The following NRXN3 variants were observed in gnomAD, a reference collection of about 807,000 sequenced individuals.
NRXN3 encodes the protein neurexin 3, also known as neurexin III.
In NRXN3, 32 loss-of-function variants were observed where a neutral mutation model predicts 137.6. That is an observed-to-expected ratio of 0.23 (90% CI 0.18 to 0.31). NRXN3 has a LOEUF of 0.31. Ranked by LOEUF, NRXN3 falls within the 10% of genes least tolerant of loss-of-function variation. The pLI is 1.00. For missense variants in NRXN3, 1,574 were observed against 2,062.5 expected, an observed-to-expected ratio of 0.76 and a Z score of 4.59; for synonymous variants, 798 against 784.5, an observed-to-expected ratio of 1.02 and a Z score of -0.29.
intron 15 of NRXN3, among the ~76,000 whole-genome samples, chr14:79,359,080 G>A (rs2093591939): frequency 6.6e-6 from 1 of 152,120 alleles, no homozygotes; most frequent in Non-Finnish European, 1.5e-5. Flanking sequence ...TCATAATTGT[G>A]TAGCCTCAAT....
At chr14:78,542,853 A>G (rs1242864032) in intron 4 of NRXN3, among the ~76,000 whole-genome samples, 2 of 152,194 alleles carry the variant, frequency 1.3e-5, no homozygotes, top group Admixed American at 6.5e-5. Context: ...TCTTAAAATA[A>G]TACCTTTCTA....
chr14:79,039,719 C>G (rs369317006), intron 15 of NRXN3, among the ~76,000 whole-genome samples: 17 of 152,210 alleles, frequency 1.1e-4, no homozygotes, highest in Admixed American at 2.0e-4. Flanking sequence ...CAGGGTCTTG[C>G]TCTGTTGCCC....
intron 20 of NRXN3, among the ~76,000 whole-genome samples, chr14:79,806,294 A>G (rs1330467983): frequency 3.3e-5 from 5 of 152,146 alleles, no homozygotes; most frequent in African/African-American, 1.2e-4. Flanking sequence ...AAAAATAAAA[A>G]CCTTCCATTT....
intron 8 of NRXN3, among the ~76,000 whole-genome samples, chr14:78,722,172 T>A (rs2098463256): frequency 6.6e-6 from 1 of 152,180 alleles, no homozygotes. Context: ...AAGGACAGGC[T>A]GGGGACTTTG....
At chr14:79,149,175 T>G (rs2153025230) in intron 15 of NRXN3, among the ~76,000 whole-genome samples, 1 of 152,212 alleles carries the variant, frequency 6.6e-6, no homozygotes, top group Admixed American at 6.5e-5. Flanking sequence ...TAGGAAACTC[T>G]GTAAGGGGGA....
intron 15 of NRXN3, among the ~76,000 whole-genome samples, chr14:79,108,937 T>C (rs372510261): frequency 1.3e-5 from 2 of 152,160 alleles, no homozygotes; most frequent in African/African-American, 4.8e-5. Flanking sequence ...ACTAAATCTC[T>C]AAATGGTTGA....
At chr14:78,380,865 A>C (rs1001724399) in intron 4 of NRXN3, among the ~76,000 whole-genome samples, 3 of 152,046 alleles carry the variant, frequency 2.0e-5, no homozygotes, top group African/African-American at 7.2e-5. Context: ...CCTAATTTTT[A>C]AAACGAAGAA....
intron 15 of NRXN3, among the ~76,000 whole-genome samples, chr14:79,280,696 T>C (rs540516374): frequency 1.0e-3 from 156 of 152,310 alleles, no homozygotes; most frequent in African/African-American, 3.7e-3. Flanking sequence ...ATTTCTACTT[T>C]CTCATAAAGG....
At chr14:78,229,677 G>T (rs1213773887) in intron 1 of NRXN3, among the ~76,000 whole-genome samples, 2 of 152,156 alleles carry the variant, frequency 1.3e-5, no homozygotes, top group African/African-American at 4.8e-5. Flanking sequence ...TCGACTCTGT[G>T]CCAGGCACTA....
intron 15 of NRXN3, among the ~76,000 whole-genome samples, chr14:79,295,667 C>A (rs1257614820): frequency 1.3e-5 from 2 of 152,134 alleles, no homozygotes; most frequent in East Asian, 1.9e-4. Flanking sequence ...ATAGATGCTT[C>A]ACAAATATGG....
intron 10 of NRXN3, among the ~76,000 whole-genome samples, chr14:78,852,883 T>C (rs1197973769): frequency 6.6e-6 from 1 of 151,768 alleles, no homozygotes; most frequent in Non-Finnish European, 1.5e-5. Flanking sequence ...AGTTTCTTTT[T>C]TTTTTTTTGA....
intron 15 of NRXN3, among the ~76,000 whole-genome samples, chr14:79,362,236 G>T (rs754013574): frequency 3.3e-5 from 5 of 151,616 alleles, no homozygotes; most frequent in Non-Finnish European, 5.9e-5. Context: ...TGCCATGTTG[G>T]TGTGCTGCAC....
chr14:79,300,949 G>A (rs952293074), intron 15 of NRXN3, among the ~76,000 whole-genome samples: 3 of 152,090 alleles, frequency 2.0e-5, no homozygotes, highest in African/African-American at 7.2e-5. Context: ...CATTACTTCA[G>A]ATTAGCTGAG....
chr14:79,485,372 T>G (rs1022117422), intron 16 of NRXN3, among the ~76,000 whole-genome samples: 1 of 152,202 alleles, frequency 6.6e-6, no homozygotes, highest in Non-Finnish European at 1.5e-5. Flanking sequence ...CAATTTCAGC[T>G]AAATTTTTTT....
intron 20 of NRXN3, among the ~76,000 whole-genome samples, chr14:79,857,629 T>C (rs749820202): frequency 2.4e-4 from 37 of 152,284 alleles, no homozygotes; most frequent in Non-Finnish European, 4.1e-4. Flanking sequence ...TCATCTGCAA[T>C]CTTAAACATG....
rs1404782582 is a variant in NRXN3 at position 79,641,244 on chromosome 14, G to A, written c.3445-22534G>A. On this transcript the variant is annotated intron_variant, in intron 16 of 20. Transcript: ENST00000335750. ...AGGCTAATCTGGAAATCCTGACCTC[G>A]TGATTTGCCCACCTCAGCCTCCCAA... Among the ~76,000 whole-genome samples, 8 of 134,392 alleles carry A rather than the reference G, an allele frequency of 6.0e-5. 1 individual carries two copies. Among genetic ancestry groups the A allele is most frequent in the African/African-American group, 9.9e-5 (4 of 40,508 alleles). 88.2% of individuals were successfully genotyped at this position (134,392 alleles called of 152,430 possible). A position where few individuals can be genotyped will look rare whatever the true frequency, so the allele number is the denominator to read the frequency against.
At chr14:78,742,940 A>G (rs1303117013) in intron 8 of NRXN3, among the ~76,000 whole-genome samples, 2 of 152,184 alleles carry the variant, frequency 1.3e-5, no homozygotes, top group Non-Finnish European at 2.9e-5. Context: ...CAATTCAATA[A>G]TTAAGGTCTA....
intron 10 of NRXN3, among the ~76,000 whole-genome samples, chr14:78,876,587 T>G (rs2099114400): frequency 6.6e-6 from 1 of 152,162 alleles, no homozygotes; most frequent in African/African-American, 2.4e-5. Context: ...CCAGGTAACA[T>G]TTCTTTACTT....
At chr14:78,734,835 T>C (rs2098534365) in intron 8 of NRXN3, among the ~76,000 whole-genome samples, 1 of 151,880 alleles carries the variant, frequency 6.6e-6, no homozygotes. Context: ...AAGGTGGAAG[T>C]GGGGAGGAGA....
Sources: gnomAD v4.1 joint callset for allele counts (sites outside exome capture counted in the v4.1 genomes callset) on GRCh38, gnomAD v4.1.1 for gene constraint, MANE v1.5 for transcripts, NCBI Gene and HGNC (gene_info 2026-07-23, HGNC 2026-07-21) for gene names.